Variants in REPS1 observed in about 807,000 individuals in gnomAD.
REPS1 encodes ralBP1-associated Eps domain-containing protein 1.
Under a neutral mutation model 100.9 loss-of-function variants are expected in REPS1, and 39 were observed. The ratio of observed to expected loss-of-function variants is 0.39; its 90% CI spans 0.30 to 0.50. The LOEUF (loss-of-function observed/expected upper bound fraction) is 0.50, where lower values mean the gene tolerates loss of function less well. Ranked by LOEUF, REPS1 falls within the 20% of genes least tolerant of loss-of-function variation. The probability of loss-of-function intolerance (pLI) is 0.86; values close to 1 mark genes in which losing one functional copy is unlikely to be tolerated. For missense variants in REPS1, 821 were observed against 968.5 expected, an observed-to-expected ratio of 0.85 and a Z score of 2.02; for synonymous variants, 324 against 340.3, an observed-to-expected ratio of 0.95 and a Z score of 0.53.
chr6:138,921,279 A>G (rs186109884), intron 10 of REPS1, among the ~76,000 whole-genome samples, 155 bp from the exon 11 acceptor site: 1 of 152,306 alleles, frequency 6.6e-6, no homozygotes, highest in African/African-American at 2.4e-5. Context: ...TAAAAGCTCT[A>G]GAATTCTATT....
intron 9 of REPS1, chr6:138,928,980 T>G (rs1470728680): frequency 6.6e-6 from 1 of 152,152 alleles, no homozygotes; most frequent in African/African-American, 2.4e-5. Context: ...CAGGAAATAG[T>G]ATAAAACCAC....
intron 8 of REPS1, among the ~76,000 whole-genome samples, chr6:138,938,880 C>T (rs1293757872): frequency 6.6e-6 from 1 of 150,412 alleles, no homozygotes; most frequent in African/African-American, 2.5e-5. Context: ...TGGAGCCTCA[C>T]TCTGTCACCC....
chr6:138,933,713 T>C (rs1289750277), intron 8 of REPS1, among the ~76,000 whole-genome samples: 2 of 152,210 alleles, frequency 1.3e-5, no homozygotes, highest in Non-Finnish European at 2.9e-5. Flanking sequence ...TTGGAGAATA[T>C]GGTTATTTTC....
At chr6:138,909,135 AG>A (rs763398195) in intron 17 of REPS1, among the ~76,000 whole-genome samples, 4 of 152,242 alleles carry the variant, frequency 2.6e-5, no homozygotes, top group Non-Finnish European at 4.4e-5. Context: ...CAATAAACAA[AG>A]GCAGTCTCCA....
At chr6:138,944,364 G>C (rs1782473372) in intron 5 of REPS1, 134 bp downstream of exon 5, 1 of 933,526 alleles carries the variant, frequency 1.1e-6, no homozygotes, top group Non-Finnish European at 1.6e-6. Flanking sequence ...GAAATGCACA[G>C]AGCAGAATTT....
At chr6:138,961,476 C>T (rs1003378783) in intron 1 of REPS1, among the ~76,000 whole-genome samples, 1 of 151,998 alleles carries the variant, frequency 6.6e-6, no homozygotes, top group Middle Eastern at 3.2e-3. Flanking sequence ...CCACCTGCCT[C>T]GGCCTCCCGA....
In REPS1 at chr6:138,915,936, G is replaced by T. The variant is rs1452851520; in HGVS notation, c.1642C>A (p.Pro548Thr). 1 of 1,614,002 alleles carries T rather than the reference G, an allele frequency of 6.2e-7. No homozygotes were observed. Among genetic ancestry groups the T allele is most frequent in the African/African-American group, 1.3e-5 (1 of 75,026 alleles). ...GTSPDNTAPP[P>T]PPPRPQPSHS... ...GAGGGCTGTGGCCTTGGAGGGGGAG[G>T]TGGTGGTGCAGTGTTATCAGGCGAC... Residue 548 changes from proline (P) to threonine (T), a missense_variant, in exon 14 of 20, where the codon CCT (proline) becomes ACT (threonine). This residue lies in a region of REPS1 where 757 missense variants were observed against 866.4 expected (regional missense o/e 0.87). Transcript: ENST00000450536.
At chr6:138,938,193 AC>A (rs1781984324) in intron 8 of REPS1, among the ~76,000 whole-genome samples, 1 of 152,166 alleles carries the variant, frequency 6.6e-6, no homozygotes, top group Non-Finnish European at 1.5e-5. Flanking sequence ...ATTCAGGTCG[AC>A]AGAAGTACTT....
At chr6:138,936,270 G>T (rs184313321) in intron 8 of REPS1, among the ~76,000 whole-genome samples, 16 of 152,052 alleles carry the variant, frequency 1.1e-4, no homozygotes, top group Admixed American at 9.2e-4. Context: ...ATAGCTTACT[G>T]TAACCTCGAA....
intron 10 of REPS1, among the ~76,000 whole-genome samples, chr6:138,921,770 G>T (rs370122593): frequency 1.3e-4 from 20 of 151,898 alleles, no homozygotes; most frequent in African/African-American, 4.8e-4. Context: ...TAGAGACAGG[G>T]TTTCGCTATG....
At position 138,903,499 on chromosome 6, in the gene REPS1, A is replaced by G. The variant is rs1244385075; in HGVS notation, c.*1565T>C. 6.6e-6 allele frequency: 1 copy of G among 152,226 alleles called. No homozygotes were observed. Among genetic ancestry groups the G allele is most frequent in the African/African-American group, 2.4e-5 (1 of 41,462 alleles). The allele number at this position is 152,226 out of a possible 1,614,324, so 9.4% of individuals were successfully genotyped here. A position where few individuals can be genotyped will look rare whatever the true frequency, so the allele number is the denominator to read the frequency against. On this transcript the variant is annotated 3_prime_UTR_variant, in exon 20 of 20. Transcript: ENST00000450536. ...ACTACAAAGTACTAAAAAGTTTTCT[A>G]TAATTTTTAAGTGTTATTTATTGGA...
chr6:138,973,262 A>G (rs1304381168), intron 1 of REPS1, among the ~76,000 whole-genome samples: 2 of 152,156 alleles, frequency 1.3e-5, no homozygotes, highest in South Asian at 4.1e-4. Flanking sequence ...AAAGTTCAAA[A>G]ATTATTTCAA....
intron 1 of REPS1, among the ~76,000 whole-genome samples, chr6:138,953,507 CA>C (rs1293815866): frequency 6.6e-6 from 1 of 151,830 alleles, no homozygotes; most frequent in Non-Finnish European, 1.5e-5. Context: ...AAAAACAAAA[CA>C]AAACAAAACT....
In REPS1 at chr6:138,930,195, A is replaced by G. The variant is rs567448333; in HGVS notation, c.1136-97T>C. ...AAAAAAAAGCCAACCGATGATTTTC[A>G]TAAGTAGTAATATATAATCTAAATC... On this transcript the variant is annotated intron_variant, in intron 8 of 19. Transcript: ENST00000450536. The G allele has an allele frequency of 1.8e-5, 16 of 906,014 alleles. No individual in the cohort carries two copies. In the East Asian group the frequency reaches 1.9e-4, roughly 11 times the overall value. The allele number at this position is 906,014 out of a possible 1,614,324, so 56.1% of individuals were successfully genotyped here.
Position 138,988,053 on chromosome 6 carries a change from C to T in REPS1, c.-371G>A. On this transcript the variant is annotated 5_prime_UTR_variant, in exon 1 of 20. Coordinates refer to ENST00000450536, the MANE Select transcript of REPS1 (RefSeq NM_001286611.2). ...GCCGCGGGTTCGAGTCTCCCCGGCT[C>T]CCTGCCGATTCCCCCAGACTTCCCG... 1 of 397,840 alleles carries T rather than the reference C, an allele frequency of 2.5e-6. No homozygotes were observed. Among genetic ancestry groups the T allele is most frequent in the Non-Finnish European group, 4.4e-6 (1 of 225,586 alleles). 24.6% of individuals were successfully genotyped at this position (397,840 alleles called of 1,614,324 possible). A position where few individuals can be genotyped will look rare whatever the true frequency, so the allele number is the denominator to read the frequency against.
chr6:138,934,837 C>G (rs1163355975), intron 8 of REPS1, among the ~76,000 whole-genome samples: 2 of 151,946 alleles, frequency 1.3e-5, no homozygotes, highest in Admixed American at 6.6e-5. Context: ...TTTATCAAGG[C>G]AAAAATAACT....
chr6:138,972,645 A>G (rs944904536), intron 1 of REPS1, among the ~76,000 whole-genome samples: 11 of 151,846 alleles, frequency 7.2e-5, no homozygotes, highest in African/African-American at 2.7e-4. Context: ...GCAGAGAAAT[A>G]CATGTGAGTT....
chr6:138,944,061 T>C, intron 5 of REPS1, 46 bp from the exon 6 acceptor site: 1 of 1,549,610 alleles, frequency 6.5e-7, no homozygotes, highest in Non-Finnish European at 8.9e-7. Context: ...ACCTACATGA[T>C]TATATGGACC....
intron 13 of REPS1, 47 bp from the exon 14 acceptor site, chr6:138,916,023 G>A (rs1475845000): frequency 7.3e-7 from 1 of 1,375,558 alleles, no homozygotes; most frequent in Non-Finnish European, 1.0e-6. Flanking sequence ...TGATATCAGA[G>A]CTTTTTTCTT....
Sources: allele counts gnomAD v4.1 joint callset (sites outside exome capture counted in the v4.1 genomes callset), GRCh38; gene constraint gnomAD v4.1.1; regional missense constraint gnomAD v4.1.1; transcripts MANE v1.5; gene names NCBI Gene and HGNC (gene_info 2026-07-23, HGNC 2026-07-21).